The following ZNF516 variants were observed in gnomAD, a reference collection of about 807,000 sequenced individuals.
The protein encoded by ZNF516 is zinc finger protein 516.
ZNF516 carries 19 observed loss-of-function variants against 79.7 expected under a neutral mutation model. That is an observed-to-expected ratio of 0.24 (90% CI 0.17 to 0.35). ZNF516 has a LOEUF of 0.35. Ranked by LOEUF, ZNF516 falls within the 10% of genes least tolerant of loss-of-function variation. The pLI is 1.00. For missense variants in ZNF516, 1,678 were observed against 1,679.5 expected (o/e 1.00, Z 0.02); for synonymous variants, 877 against 739.5 (o/e 1.19, Z -3.02).
intron 2 of ZNF516, among the ~76,000 whole-genome samples, chr18:76,444,956 G>A (rs189733716): frequency 3.9e-5 from 6 of 152,254 alleles, no homozygotes; most frequent in African/African-American, 1.2e-4. Context: ...AAGGAAACAC[G>A]AGCAGCCTCA....
At chr18:76,496,257 T>G (rs1307948281), upstream of ZNF516, 17 of 1,279,394 alleles carry the variant, frequency 1.3e-5, no homozygotes, top group Non-Finnish European at 1.5e-5. Flanking sequence ...TGCGGAGGGG[T>G]AACACTATCT....
chr18:76,433,545 G>A (rs1423639527), intron 3 of ZNF516, among the ~76,000 whole-genome samples: 6 of 152,330 alleles, frequency 3.9e-5, no homozygotes, highest in South Asian at 4.1e-4. Context: ...GCGGCTGCAC[G>A]CTCAGGCCTT....
At chr18:76,470,147 C>A (rs529914141) in intron 1 of ZNF516, among the ~76,000 whole-genome samples, 1 of 152,300 alleles carries the variant, frequency 6.6e-6, no homozygotes, top group East Asian at 1.9e-4. Flanking sequence ...AGCCAGTTTT[C>A]ACGTTCTCAG....
chr18:76,473,227 T>C (rs1319230391), intron 1 of ZNF516, among the ~76,000 whole-genome samples: 2 of 151,896 alleles, frequency 1.3e-5, no homozygotes, highest in Non-Finnish European at 1.5e-5. Context: ...AAAAGTTTTT[T>C]TTTTCTTTAA....
At chr18:76,496,166 G>A (rs1167761598), upstream of ZNF516, 45 of 938,656 alleles carry the variant, frequency 4.8e-5, no homozygotes, top group Non-Finnish European at 6.0e-5. Context: ...GGGCGCGCGG[G>A]GGCGGGGGAG....
At chr18:76,432,033 A>C (rs1455672457) in intron 3 of ZNF516, among the ~76,000 whole-genome samples, 2 of 152,244 alleles carry the variant, frequency 1.3e-5, no homozygotes, top group African/African-American at 4.8e-5. Flanking sequence ...GGCCAATGGC[A>C]AAGTTCCCGT....
chr18:76,373,158 G>A (rs2074733998), intron 4 of ZNF516, among the ~76,000 whole-genome samples: 1 of 148,632 alleles, frequency 6.7e-6, no homozygotes, highest in Non-Finnish European at 1.5e-5. Context: ...TTGAATGAAA[G>A]AAAGAAAAGA....
At chr18:76,430,496 T>A (rs555863501) in intron 3 of ZNF516, among the ~76,000 whole-genome samples, 1 of 152,328 alleles carries the variant, frequency 6.6e-6, no homozygotes, top group South Asian at 2.1e-4. Flanking sequence ...AATGTCTATA[T>A]TGGAATCAAT....
Position 76,467,379 on chromosome 18 carries a change from G to GGGTT in ZNF516, c.-271-4239_-271-4238insAACC, listed in dbSNP as rs1300640683. Among the ~76,000 whole-genome samples, 2 of 151,652 alleles carry GGGTT rather than the reference G, an allele frequency of 1.3e-5. No individual in the cohort carries two copies. Among genetic ancestry groups the GGGTT allele is most frequent in the Admixed American group, 6.6e-5 (1 of 15,226 alleles). On this transcript the variant is annotated intron_variant, in intron 1 of 6. Coordinates refer to ENST00000443185, the MANE Select transcript of ZNF516 (RefSeq NM_014643.4). The surrounding 1 kb of genome is among the most constrained non-coding windows in gnomAD (Gnocchi z 4.2). Reference sequence around the variant, plus strand: ...GGAACCTGCAGCTCACAGCCCCTCTGGGCTGGCAGGAAGTCCTGCGTGTCT... The same window carrying GGGTT: ...GGAACCTGCAGCTCACAGCCCCTCTGGGTTGGCTGGCAGGAAGTCCTGCGTGTCT...
At chr18:76,453,156 T>C (rs1287865292) in intron 2 of ZNF516, among the ~76,000 whole-genome samples, 1 of 152,216 alleles carries the variant, frequency 6.6e-6, no homozygotes, top group Non-Finnish European at 1.5e-5. Context: ...GCCTGCTCCA[T>C]AATTTTCTGC....
Position 76,442,655 on chromosome 18 carries a change from C to T in ZNF516, c.400G>A (p.Ala134Thr), listed in dbSNP as rs1361143545. The T allele has an allele frequency of 1.3e-6, 2 of 1,585,428 alleles. No individual in the cohort carries two copies. The highest frequency in any genetic ancestry group is 2.2e-5 in the South Asian group (2 of 89,192). ...CNRLLNGASQ[A>T]DGARVLNGAS... ...CCGTTCAGGACCCTGGCGCCGTCGGCCTGCGAGGCCCCGTTCAGCAGCCGG... is the reference window on the plus strand; with the variant it reads ...CCGTTCAGGACCCTGGCGCCGTCGGTCTGCGAGGCCCCGTTCAGCAGCCGG... Residue 134 changes from alanine to threonine, a missense_variant, in exon 3 of 7, where the codon GCC (alanine) becomes ACC (threonine). This residue lies in a region of ZNF516 where 279 missense variants were observed against 254.1 expected (regional missense o/e 1.10). Transcript: ENST00000443185.
intron 3 of ZNF516, among the ~76,000 whole-genome samples, chr18:76,407,514 C>T (rs997369701): frequency 6.6e-6 from 1 of 152,116 alleles, no homozygotes; most frequent in African/African-American, 2.4e-5. Context: ...TCCATAATTA[C>T]GAGGAGACGG....
chr18:76,402,287 C>T (rs1020959014), intron 3 of ZNF516, among the ~76,000 whole-genome samples: 1 of 152,174 alleles, frequency 6.6e-6, no homozygotes, highest in East Asian at 1.9e-4. Context: ...CCAGAGAAGT[C>T]GAGAGTAAAC....
intron 3 of ZNF516, chr18:76,387,348 G>A (rs1226960714): frequency 6.6e-6 from 1 of 152,192 alleles, no homozygotes. Flanking sequence ...CCAATACATT[G>A]TATGTTTGCA....
intron 2 of ZNF516, among the ~76,000 whole-genome samples, chr18:76,450,693 G>C (rs17270282): frequency 0.072 from 10,921 of 152,184 alleles, 614 homozygotes; most frequent in South Asian, 0.19. Flanking sequence ...ACTTGACGAA[G>C]TAAAAAATCA....
At position 76,441,746 on chromosome 18, in the gene ZNF516, C is replaced by T. The variant is rs1184368177; in HGVS notation, c.1309G>A (p.Gly437Arg). 7 of 1,572,872 alleles carry T rather than the reference C, an allele frequency of 4.5e-6. No homozygotes were observed. The East Asian group carries it at 7.0e-5, about 16-fold the overall frequency. The change falls in exon 3 of 7, where the codon GGG (glycine) becomes AGG (arginine). Residue 437 changes from glycine to arginine, a missense_variant. Gly to Arg is a moderately radical substitution (Grantham distance 125). This residue lies in a region of ZNF516 where 1,294 missense variants were observed against 1,248.3 expected (regional missense o/e 1.04). Transcript: ENST00000443185. ...VAEPAEYLKY[G>R]AWDEALAGDV... Reference sequence around the variant, plus strand: ...CCGGCCAGCGCCTCGTCCCAGGCCCCGTACTTGAGGTACTCGGCCGGCTCG... The same window carrying T: ...CCGGCCAGCGCCTCGTCCCAGGCCCTGTACTTGAGGTACTCGGCCGGCTCG...
At chr18:76,387,828 C>G (rs1471272440) in intron 3 of ZNF516, 1 of 152,310 alleles carries the variant, frequency 6.6e-6, no homozygotes, top group East Asian at 1.9e-4. Context: ...AAAGGCCCCA[C>G]CCTCGAGCTT....
At chr18:76,377,112 A>G (rs903933870) in intron 4 of ZNF516, among the ~76,000 whole-genome samples, 6 of 152,254 alleles carry the variant, frequency 3.9e-5, no homozygotes, top group African/African-American at 1.4e-4. Flanking sequence ...CTGAACGTGG[A>G]AAAAGTCAAA....
intron 2 of ZNF516, among the ~76,000 whole-genome samples, chr18:76,447,894 A>T (rs547473378): frequency 9.9e-5 from 15 of 151,990 alleles, no homozygotes; most frequent in African/African-American, 2.7e-4. Flanking sequence ...AGTGTGTGTG[A>T]GTGTGTGTGT....
Sources: gnomAD v4.1 joint callset for allele counts (sites outside exome capture counted in the v4.1 genomes callset) on GRCh38, gnomAD v4.1.1 for gene constraint, gnomAD v4.1.1 regional missense constraint, Gnocchi (gnomAD v3.1) non-coding constraint, MANE v1.5 for transcripts, NCBI Gene and HGNC (gene_info 2026-07-23, HGNC 2026-07-21) for gene names.